The following SUFU variants were observed in gnomAD, a reference collection of about 807,000 sequenced individuals.
SUFU encodes SUFU negative regulator of hedgehog signaling, also known as suppressor of fused homolog.
A neutral mutation model predicts 58.9 loss-of-function variants in SUFU; 7 were observed. The ratio of observed to expected loss-of-function variants is 0.12; its 90% confidence interval spans 0.07 to 0.22. The LOEUF (loss-of-function observed/expected upper bound fraction) is 0.22. SUFU is among the 10% of genes least tolerant of loss of function. SUFU has a pLI of 1.00. For synonymous variants in SUFU, 232 were observed against 254.8 expected, an observed-to-expected ratio of 0.91 and a Z score of 0.85; for missense variants, 451 against 641.3, an observed-to-expected ratio of 0.70 and a Z score of 3.20.
At chr10:102,517,100 G>C (rs1304193211) in intron 2 of SUFU, among the ~76,000 whole-genome samples, 11 of 145,176 alleles carry the variant, frequency 7.6e-5, no homozygotes, top group Non-Finnish European at 1.5e-4. Context: ...TCTAGCCTGG[G>C]CAATAAGAGT....
chr10:102,595,619 C>G (rs888171780), intron 6 of SUFU, among the ~76,000 whole-genome samples: 2 of 152,150 alleles, frequency 1.3e-5, no homozygotes, highest in Non-Finnish European at 2.9e-5. Context: ...GCAGGATCCC[C>G]TGAGAGCAGC....
intron 2 of SUFU, among the ~76,000 whole-genome samples, chr10:102,512,413 T>C (rs1193065455): frequency 6.6e-6 from 1 of 152,236 alleles, no homozygotes; most frequent in South Asian, 2.1e-4. Flanking sequence ...TCATTTCCTA[T>C]GTGGCTTAAG....
chr10:102,556,600 G>A (rs917956717), intron 3 of SUFU, among the ~76,000 whole-genome samples: 8 of 151,866 alleles, frequency 5.3e-5, no homozygotes, highest in Non-Finnish European at 7.4e-5. Context: ...AAAATTAGCC[G>A]GGAGTGCTGG....
At chr10:102,624,182 G>T (rs966907950) in intron 10 of SUFU, among the ~76,000 whole-genome samples, 7 of 152,178 alleles carry the variant, frequency 4.6e-5, no homozygotes, top group Non-Finnish European at 8.8e-5. Context: ...AAGCAGCTCT[G>T]TAGGGACCCA....
rs368102340 is a variant in SUFU, at chr10:102,552,442, T to TAC, written c.454+2351_454+2352dup. Among the ~76,000 whole-genome samples, 926 of 149,226 alleles carry TAC rather than the reference T, an allele frequency of 6.2e-3. 3 individuals carry two copies. Among genetic ancestry groups the TAC allele is most frequent in the Middle Eastern group, 0.017 (5 of 292 alleles). Reference sequence around the variant, plus strand: ...AGTGAGACCCCACCTAAAAAAAAAATACACACACACACACACGCACCCCAG... The same window carrying TAC: ...AGTGAGACCCCACCTAAAAAAAAAATACACACACACACACACACGCACCCCAG... On this transcript the variant is annotated intron_variant, in intron 3 of 11. Transcript: ENST00000369902.
chr10:102,631,871 TC>T lies in SUFU; in HGVS notation c.*1720del, dbSNP rs2135962990. 1 of 233,316 alleles carries T rather than the reference TC, an allele frequency of 4.3e-6. No homozygotes were observed. Among genetic ancestry groups the T allele is most frequent in the African/African-American group, 2.2e-5 (1 of 45,448 alleles). The allele number at this position is 233,316 out of a possible 1,614,324, so 14.5% of individuals were successfully genotyped here. A position where few individuals can be genotyped will look rare whatever the true frequency, so the allele number is the denominator to read the frequency against. On this transcript the variant is annotated 3_prime_UTR_variant, in exon 12 of 12. Transcript: ENST00000369902. ...GTATTTGGGAGAGACTGGCTGCAGA[TC>T]CCCGCCAGCCAAGATGCAAGCCACT...
chr10:102,551,632 C>T (rs1016105586), intron 3 of SUFU, among the ~76,000 whole-genome samples: 9 of 146,718 alleles, frequency 6.1e-5, no homozygotes, highest in South Asian at 2.1e-4. Context: ...AGCAAGACTC[C>T]GTATCAAAAA....
At chr10:102,551,214 T>A (rs1401783070) in intron 3 of SUFU, among the ~76,000 whole-genome samples, 4 of 152,222 alleles carry the variant, frequency 2.6e-5, no homozygotes, top group Non-Finnish European at 5.9e-5. Context: ...AGTCCCCTCA[T>A]GGAGGCTACA....
Position 102,597,263 on chromosome 10 carries a change from G to A in SUFU, c.880G>A (p.Gly294Ser), listed in dbSNP as rs143807689. ...DDEDSRSICIGTQPRRLSGKD... is the reference protein window; with the variant it reads ...DDEDSRSICISTQPRRLSGKD... ...CGAGGACAGCCGGAGCATCTGCATC[G>A]GCACACAGCCCCGGCGACTCTCTGG... is the stretch of plus-strand genomic sequence containing the variant. The change falls in exon 7 of 12, where the codon GGC (glycine) becomes AGC (serine). Residue 294 changes from glycine (G) to serine (S), a missense_variant. Coordinates refer to ENST00000369902, the MANE Select transcript of SUFU (RefSeq NM_016169.4). 112 of 1,613,858 alleles carry A rather than the reference G, an allele frequency of 6.9e-5. No homozygotes were observed. The highest frequency in any genetic ancestry group is 4.3e-4 in the Admixed American group (26 of 60,010).
intron 8 of SUFU, among the ~76,000 whole-genome samples, chr10:102,601,142 G>C (rs1052738857): frequency 6.6e-6 from 1 of 152,170 alleles, no homozygotes; most frequent in East Asian, 1.9e-4. Context: ...CTGGAAGCCT[G>C]GGGTTTCTAG....
At chr10:102,503,963 C>A, upstream of SUFU, 1 of 786,548 alleles carries the variant, frequency 1.3e-6, no homozygotes, top group Non-Finnish European at 1.8e-6. Context: ...CCCCGAGGCA[C>A]CCTCTGGCAG....
chr10:102,580,027 G>GCCCCCCCCCCCCCCCCC (rs1378925159), intron 3 of SUFU, among the ~76,000 whole-genome samples: 5 of 41,954 alleles, frequency 1.2e-4, no homozygotes, highest in Non-Finnish European at 2.4e-4. Flanking sequence ...CTCCTCCCCC[G>GCCCCCCCCCCCCCCCCC]CACCCCCCCC....
intron 2 of SUFU, among the ~76,000 whole-genome samples, chr10:102,540,478 C>A (rs893214040): frequency 3.3e-5 from 5 of 151,308 alleles, no homozygotes; most frequent in African/African-American, 1.2e-4. Flanking sequence ...TGGTGAAACC[C>A]CGTCTCTACC....
rs2063814672 is a variant in SUFU, at chr10:102,629,112, C to T, written c.1366-954C>T. ...CAAAAGTTGCAGTGAGCCGAGATCG[C>T]GCCATTGCACTCCAGCCTGGGCAAC... On this transcript the variant is annotated intron_variant, in intron 11 of 11. Transcript: ENST00000369902. This position sits in a 1 kb window ranked among gnomAD's most constrained non-coding sequence, Gnocchi z 4.7. Among the ~76,000 whole-genome samples, 2 of 152,190 alleles carry T rather than the reference C, an allele frequency of 1.3e-5. No homozygotes were observed. The highest frequency in any genetic ancestry group is 2.1e-4 in the South Asian group (1 of 4,820).
At position 102,572,232 on chromosome 10, in the gene SUFU, A is replaced by AT. The variant is rs56074714; in HGVS notation, c.455-20335dup. The stretch of plus-strand genomic sequence containing the variant: ...AGGCACCGGCCACCACGCCTGGATA[A>AT]TTTTTTTTTTTTTTTGTAATTTTAG... On this transcript the variant is annotated intron_variant, in intron 3 of 11. Transcript: ENST00000369902. Among the ~76,000 whole-genome samples the AT allele has an allele frequency of 1.3e-3, 184 of 138,704 alleles. No individual in the cohort carries two copies. The East Asian group carries it at 0.015, about 11-fold the overall frequency. The allele number at this position is 138,704 out of a possible 152,430, so 91.0% of individuals were successfully genotyped here.
chr10:102,523,891 C>T (rs1429594336), intron 2 of SUFU, among the ~76,000 whole-genome samples: 5 of 152,200 alleles, frequency 3.3e-5, no homozygotes, highest in South Asian at 4.1e-4. Context: ...CTACTTCAAT[C>T]GGCCTTCTCT....
rs2063818017 is a variant in SUFU at position 102,629,454 on chromosome 10, G to A, written c.1366-612G>A. 6.6e-6 allele frequency among the ~76,000 whole-genome samples: 1 copy of A among 152,196 alleles called. No individual in the cohort carries two copies. The highest frequency in any genetic ancestry group is 2.4e-5 in the African/African-American group (1 of 41,454). On this transcript the variant is annotated intron_variant, in intron 11 of 11. Coordinates refer to ENST00000369902, the MANE Select transcript of SUFU (RefSeq NM_016169.4). The surrounding 1 kb of genome is among the most constrained non-coding windows in gnomAD (Gnocchi z 4.7). ...CTGGGAAGTGGTGCGAATGAATACA[G>A]GGAGCAGGGTGGGGATTGGCCCCTC...
At chr10:102,601,927 CT>C (rs2063517964) in intron 8 of SUFU, among the ~76,000 whole-genome samples, 1 of 152,172 alleles carries the variant, frequency 6.6e-6, no homozygotes, top group African/African-American at 2.4e-5. Context: ...CCAGGGAGCT[CT>C]TATGCATGGG....
chr10:102,629,019 G>C lies in SUFU; in HGVS notation c.1366-1047G>C, dbSNP rs1335453117. ...AATAATACAATAATTAGCCGGGCTT[G>C]GTGGTGCATGCCTGTAATCTCAGCT... On this transcript the variant is annotated intron_variant, in intron 11 of 11. Coordinates refer to ENST00000369902, the MANE Select transcript of SUFU (RefSeq NM_016169.4). This position sits in a 1 kb window ranked among gnomAD's most constrained non-coding sequence, Gnocchi z 4.7. Among the ~76,000 whole-genome samples, 1 of 152,182 alleles carries C rather than the reference G, an allele frequency of 6.6e-6. No homozygotes were observed. The highest frequency in any genetic ancestry group is 1.5e-5 in the Non-Finnish European group (1 of 68,036).
Sources: allele counts gnomAD v4.1 joint callset (sites outside exome capture counted in the v4.1 genomes callset), GRCh38; gene constraint gnomAD v4.1.1; non-coding constraint Gnocchi (gnomAD v3.1); transcripts MANE v1.5; gene names NCBI Gene and HGNC (gene_info 2026-07-23, HGNC 2026-07-21).